Variants in MYO1D observed in about 807,000 individuals in gnomAD.
MYO1D encodes the protein unconventional myosin-Id.
In MYO1D, 83 loss-of-function variants were observed where a neutral mutation model predicts 122.0. The ratio of observed to expected loss-of-function variants is 0.68; its 90% CI spans 0.57 to 0.82. The LOEUF is 0.82. MYO1D is among the 40% of genes least tolerant of loss of function. The pLI is 0.00. For synonymous variants in MYO1D, 464 were observed against 446.9 expected, an observed-to-expected ratio of 1.04 and a Z score of -0.48; for missense variants, 1,157 against 1,269.5, an observed-to-expected ratio of 0.91 and a Z score of 1.35.
intron 21 of MYO1D, among the ~76,000 whole-genome samples, chr17:32,584,667 AT>A (rs1321645508): frequency 6.6e-6 from 1 of 151,770 alleles, no homozygotes; most frequent in African/African-American, 2.4e-5. Flanking sequence ...TAATTTTTAA[AT>A]TTTTTTGAAG....
chr17:32,557,486 C>CT (rs942013822), intron 21 of MYO1D, among the ~76,000 whole-genome samples: 2 of 151,980 alleles, frequency 1.3e-5, no homozygotes, highest in African/African-American at 4.8e-5. Context: ...AGTCGGCAAA[C>CT]TTCCTTTTTT....
intron 16 of MYO1D, among the ~76,000 whole-genome samples, chr17:32,700,243 T>C (rs1617871): frequency 0.46 from 70,177 of 152,070 alleles, 16,325 homozygotes; most frequent in East Asian, 0.54. Context: ...AACTGTTCCA[T>C]CAGATCATCA....
intron 19 of MYO1D, among the ~76,000 whole-genome samples, chr17:32,647,175 A>G (rs1453758731): frequency 6.6e-6 from 1 of 152,204 alleles, no homozygotes; most frequent in Non-Finnish European, 1.5e-5. Flanking sequence ...AAAACACATC[A>G]TGGTTGAGAG....
At chr17:32,619,233 T>A (rs546941922) in intron 20 of MYO1D, among the ~76,000 whole-genome samples, 1 of 152,346 alleles carries the variant, frequency 6.6e-6, no homozygotes, top group Non-Finnish European at 1.5e-5. Context: ...TTTCATATAT[T>A]GCAGTCATCA....
At chr17:32,520,741 T>A (rs1484280961) in intron 21 of MYO1D, among the ~76,000 whole-genome samples, 2 of 152,222 alleles carry the variant, frequency 1.3e-5, no homozygotes, top group East Asian at 3.9e-4. Context: ...AAGAGTCATA[T>A]GTGTTCTTTG....
intron 20 of MYO1D, among the ~76,000 whole-genome samples, chr17:32,606,735 A>T (rs1186687912): frequency 6.6e-6 from 1 of 152,268 alleles, no homozygotes; most frequent in Admixed American, 6.5e-5. Flanking sequence ...GCCACAGCTA[A>T]CATCATACTT....
chr17:32,796,420 A>AC (rs2090417547), intron 1 of MYO1D, among the ~76,000 whole-genome samples: 1 of 152,122 alleles, frequency 6.6e-6, no homozygotes, highest in Non-Finnish European at 1.5e-5. Flanking sequence ...TATTAAACAT[A>AC]CTTTTTTTTT....
intron 1 of MYO1D, among the ~76,000 whole-genome samples, chr17:32,810,633 T>C (rs528997763): frequency 2.2e-4 from 33 of 152,162 alleles, no homozygotes; most frequent in East Asian, 5.8e-4. Flanking sequence ...CCCACCACCA[T>C]GCTCGGCTAA....
chr17:32,748,755 T>C (rs991538606), intron 12 of MYO1D, among the ~76,000 whole-genome samples, 181 bp downstream of exon 12: 19 of 152,234 alleles, frequency 1.2e-4, no homozygotes, highest in African/African-American at 4.3e-4. Flanking sequence ...CAATAAATGG[T>C]TGAAAAGCAA....
intron 14 of MYO1D, among the ~76,000 whole-genome samples, chr17:32,727,102 T>C (rs568141364): frequency 6.6e-6 from 1 of 152,162 alleles, no homozygotes; most frequent in Non-Finnish European, 1.5e-5. Context: ...GGAAAGAGTA[T>C]GATCTTAGGT....
intron 13 of MYO1D, among the ~76,000 whole-genome samples, chr17:32,744,396 C>T (rs1169662182): frequency 6.6e-6 from 1 of 152,202 alleles, no homozygotes; most frequent in Non-Finnish European, 1.5e-5. Context: ...TTTTTCTGCA[C>T]AGCACTTGTC....
intron 16 of MYO1D, among the ~76,000 whole-genome samples, chr17:32,664,543 G>A (rs761417662): frequency 1.1e-4 from 16 of 152,190 alleles, no homozygotes; most frequent in Non-Finnish European, 1.3e-4. Flanking sequence ...CACAAAAGTA[G>A]AACCAGCCAG....
At chr17:32,653,990 T>G in intron 18 of MYO1D, 43 bp from the exon 19 acceptor site, 1 of 1,494,886 alleles carries the variant, frequency 6.7e-7, no homozygotes, top group Non-Finnish European at 9.2e-7. Flanking sequence ...ATGCTTAGCA[T>G]TTTAGAAGGA....
intron 21 of MYO1D, among the ~76,000 whole-genome samples, chr17:32,573,548 T>C (rs1263673916): frequency 6.6e-6 from 1 of 152,084 alleles, no homozygotes; most frequent in African/African-American, 2.4e-5. Flanking sequence ...GAGGGAAGGT[T>C]TTGGTCTGTT....
chr17:32,621,184 C>A (rs1336597148), intron 20 of MYO1D, among the ~76,000 whole-genome samples: 1 of 151,954 alleles, frequency 6.6e-6, no homozygotes, highest in African/African-American at 2.4e-5. Flanking sequence ...CCACTTGTGG[C>A]GTCATATTGG....
intron 1 of MYO1D, among the ~76,000 whole-genome samples, chr17:32,864,548 G>GAAA (rs200717040): frequency 0.02 from 1,423 of 72,904 alleles, 55 homozygotes; most frequent in African/African-American, 0.027. Flanking sequence ...TTCTACGAAT[G>GAAA]AAAAAAAAAA....
intron 16 of MYO1D, among the ~76,000 whole-genome samples, chr17:32,669,042 T>C (rs1410278989): frequency 6.6e-6 from 1 of 152,096 alleles, no homozygotes; most frequent in Non-Finnish European, 1.5e-5. Context: ...TTTAACAGAA[T>C]TGAAAAAAAC....
At chr17:32,510,268 A>T (rs1597864642) in intron 21 of MYO1D, 1 of 152,252 alleles carries the variant, frequency 6.6e-6, no homozygotes, top group Non-Finnish European at 1.5e-5. Flanking sequence ...CTTTAATACC[A>T]GGTGCTTCTG....
intron 16 of MYO1D, among the ~76,000 whole-genome samples, chr17:32,691,303 G>A (rs1285180957): frequency 6.7e-6 from 1 of 148,374 alleles, no homozygotes; most frequent in Non-Finnish European, 1.5e-5. Context: ...CTTACTGTAT[G>A]TTTGTACTCA....
Sources: allele counts gnomAD v4.1 joint callset (sites outside exome capture counted in the v4.1 genomes callset), GRCh38; gene constraint gnomAD v4.1.1; transcripts MANE v1.5; gene names NCBI Gene and HGNC (gene_info 2026-07-23, HGNC 2026-07-21).